ZNF804B: variants seen among roughly 807,000 people sequenced by gnomAD.
ZNF804B encodes zinc finger 804B.
ZNF804B carries 80 observed loss-of-function variants against 101.4 expected under a neutral mutation model. That is an observed-to-expected ratio of 0.79 (90% CI 0.66 to 0.95). ZNF804B has a LOEUF of 0.95. Ranked by LOEUF, ZNF804B falls within the 40% of genes least tolerant of loss-of-function variation. The pLI is 0.00. For missense variants in ZNF804B, 1,673 were observed against 1,561.9 expected (o/e 1.07, Z -1.20); for synonymous variants, 622 against 558.8 (o/e 1.11, Z -1.59).
chr7:89,035,444 A>G (rs1183401403), intron 1 of ZNF804B, among the ~76,000 whole-genome samples: 1 of 152,030 alleles, frequency 6.6e-6, no homozygotes, highest in Non-Finnish European at 1.5e-5. Flanking sequence ...TAAAAAAATC[A>G]GCTACGTTGG....
At chr7:89,052,888 G>A (rs1330522802) in intron 1 of ZNF804B, among the ~76,000 whole-genome samples, 5 of 152,154 alleles carry the variant, frequency 3.3e-5, no homozygotes, top group Admixed American at 3.3e-4. Flanking sequence ...GGTCATCCAT[G>A]TTTGAAAGAC....
At chr7:88,971,090 C>G (rs1384288385) in intron 1 of ZNF804B, among the ~76,000 whole-genome samples, 1 of 151,198 alleles carries the variant, frequency 6.6e-6, no homozygotes, top group Non-Finnish European at 1.5e-5. Flanking sequence ...ACACTTCAAG[C>G]AATGGCAGAA....
At chr7:88,919,276 A>G (rs1792684482) in intron 1 of ZNF804B, among the ~76,000 whole-genome samples, 1 of 152,164 alleles carries the variant, frequency 6.6e-6, no homozygotes, top group African/African-American at 2.4e-5. Flanking sequence ...ACATCTTAAA[A>G]TATTTGTGAT....
At chr7:89,111,387 C>T (rs1042685394) in intron 1 of ZNF804B, among the ~76,000 whole-genome samples, 1 of 152,164 alleles carries the variant, frequency 6.6e-6, no homozygotes, top group Admixed American at 6.5e-5. Context: ...ACAACCTCTC[C>T]AGCATTTCGT....
chr7:89,052,557 T>C (rs1396169356), intron 1 of ZNF804B, among the ~76,000 whole-genome samples: 6 of 152,112 alleles, frequency 3.9e-5, no homozygotes, highest in Non-Finnish European at 7.4e-5. Flanking sequence ...GAAGCATTTA[T>C]TATTTTATTT....
intron 2 of ZNF804B, among the ~76,000 whole-genome samples, chr7:89,309,861 T>G (rs923137847): frequency 4.6e-5 from 7 of 150,998 alleles, no homozygotes; most frequent in African/African-American, 1.7e-4. Context: ...ATTTAATAAT[T>G]TTAGTAGGGC....
intron 2 of ZNF804B, among the ~76,000 whole-genome samples, chr7:89,319,628 G>T (rs534111138): frequency 6.6e-6 from 1 of 152,122 alleles, no homozygotes; most frequent in Non-Finnish European, 1.5e-5. Flanking sequence ...CATACTCTAG[G>T]ACTTTTAGCA....
At chr7:89,052,015 A>G (rs1455715837) in intron 1 of ZNF804B, among the ~76,000 whole-genome samples, 1 of 152,162 alleles carries the variant, frequency 6.6e-6, no homozygotes, top group Non-Finnish European at 1.5e-5. Context: ...CTTTCATTTT[A>G]CCAACTTAAA....
intron 1 of ZNF804B, among the ~76,000 whole-genome samples, chr7:89,085,878 T>C (rs932413498): frequency 2.0e-5 from 3 of 152,048 alleles, no homozygotes; most frequent in African/African-American, 7.2e-5. Context: ...CTTCCAACTA[T>C]GACAATCCCT....
At chr7:89,112,177 C>G (rs571438144) in intron 1 of ZNF804B, among the ~76,000 whole-genome samples, 2 of 150,806 alleles carry the variant, frequency 1.3e-5, no homozygotes, top group Non-Finnish European at 2.9e-5. Context: ...ACAGACTACA[C>G]AAAAACTCAT....
chr7:88,897,701 A>G (rs1441318179), intron 1 of ZNF804B, among the ~76,000 whole-genome samples: 1 of 152,160 alleles, frequency 6.6e-6, no homozygotes, highest in Non-Finnish European at 1.5e-5. Flanking sequence ...GTTGAGTGGC[A>G]AAGCTGAGAT....
chr7:88,780,704 A>G (rs1790212939), intron 1 of ZNF804B, among the ~76,000 whole-genome samples: 1 of 152,108 alleles, frequency 6.6e-6, no homozygotes, highest in Admixed American at 6.6e-5. Context: ...AAAGACTCTA[A>G]TTGACAATTA....
At chr7:89,084,008 A>G (rs1419337158) in intron 1 of ZNF804B, among the ~76,000 whole-genome samples, 1 of 151,932 alleles carries the variant, frequency 6.6e-6, no homozygotes, top group Non-Finnish European at 1.5e-5. Flanking sequence ...GAAGCTGGGG[A>G]TAGATGGAAT....
chr7:88,929,130 T>C (rs749818127), intron 1 of ZNF804B, among the ~76,000 whole-genome samples: 1 of 151,866 alleles, frequency 6.6e-6, no homozygotes, highest in Non-Finnish European at 1.5e-5. Context: ...CTAGATAAGC[T>C]CTCTTTATCA....
intron 1 of ZNF804B, among the ~76,000 whole-genome samples, chr7:88,854,385 G>A (rs1791496943): frequency 8.7e-6 from 1 of 114,950 alleles, no homozygotes; most frequent in Non-Finnish European, 1.8e-5. Context: ...TTTCTGTACT[G>A]CATTTCTTTC....
chr7:89,017,996 A>C (rs938472049), intron 1 of ZNF804B, among the ~76,000 whole-genome samples: 1 of 152,034 alleles, frequency 6.6e-6, no homozygotes, highest in Non-Finnish European at 1.5e-5. Flanking sequence ...TTTAGTTGGG[A>C]TGCCCTTTAT....
chr7:88,989,064 C>G (rs1793806501), intron 1 of ZNF804B, among the ~76,000 whole-genome samples: 1 of 152,030 alleles, frequency 6.6e-6, no homozygotes, highest in Admixed American at 6.6e-5. Context: ...CACTCTGTCA[C>G]TATGCTGGAG....
At chr7:88,938,937 CA>C (rs1032274571) in intron 1 of ZNF804B, among the ~76,000 whole-genome samples, 14 of 151,964 alleles carry the variant, frequency 9.2e-5, no homozygotes, top group Middle Eastern at 3.4e-3. Flanking sequence ...AAAAAATAGA[CA>C]AAAATTTTGA....
intron 1 of ZNF804B, among the ~76,000 whole-genome samples, chr7:88,792,905 G>T (rs1327046197): frequency 6.6e-6 from 1 of 151,916 alleles, no homozygotes; most frequent in African/African-American, 2.4e-5. Context: ...TAACAATGAT[G>T]CATATCATTT....
Sources: gnomAD v4.1 joint callset for allele counts (sites outside exome capture counted in the v4.1 genomes callset) on GRCh38, gnomAD v4.1.1 for gene constraint, MANE v1.5 for transcripts, NCBI Gene and HGNC (gene_info 2026-07-23, HGNC 2026-07-21) for gene names.